Variants in EEF2KMT observed in about 807,000 individuals in gnomAD.
EEF2KMT encodes the protein protein-lysine N-methyltransferase EEF2KMT.
EEF2KMT carries 30 observed loss-of-function variants against 35.1 expected under a neutral mutation model. The ratio of observed to expected loss-of-function variants is 0.85; its 90% CI spans 0.64 to 1.16. The LOEUF is 1.16. Among genes scored for constraint, EEF2KMT ranks in the 50% most tolerant of loss-of-function variants. The pLI is 0.00. For missense variants in EEF2KMT, 499 were observed against 438.2 expected, an observed-to-expected ratio of 1.14 and a Z score of -1.24; for synonymous variants, 190 against 187.7, an observed-to-expected ratio of 1.01 and a Z score of -0.10.
At position 5,097,468 on chromosome 16, in the gene EEF2KMT, G is replaced by A. The variant is rs554933056; in HGVS notation, c.96+176C>T. 4,701 of 1,414,074 alleles carry A rather than the reference G, an allele frequency of 3.3e-3. 15 individuals are homozygous for A. The highest frequency in any genetic ancestry group is 4.1e-3 in the Non-Finnish European group (4,363 of 1,071,908). 87.6% of individuals were successfully genotyped at this position (1,414,074 alleles called of 1,614,324 possible). Reference sequence around the variant, plus strand: ...CCCGCCAGCTCGCGGGGCAGGAGGGGTGCGAGCGACTCTGGCCAGGCCCCA... The same window carrying A: ...CCCGCCAGCTCGCGGGGCAGGAGGGATGCGAGCGACTCTGGCCAGGCCCCA... On this transcript the variant is annotated intron_variant, in intron 1 of 7. Coordinates refer to ENST00000427587, the MANE Select transcript of EEF2KMT (RefSeq NM_201400.4).
rs1215642967 is a variant in EEF2KMT at position 5,091,874 on chromosome 16, GCT to G, written c.260_261del (p.Glu87AlafsTer7). 6.2e-7 allele frequency: 1 copy of G among 1,611,790 alleles called. No individual in the cohort carries two copies. The highest frequency in any genetic ancestry group is 8.5e-7 in the Non-Finnish European group (1 of 1,179,794). ...LIKKHEAVHT[E>X]PLDELYEALA... The stretch of plus-strand genomic sequence containing the variant: ...AGCGCTTCATACAGCTCGTCCAAAG[GCT>G]CTGTGTGGACAGCCTCGTGCTGGGG... On this transcript the variant is annotated frameshift_variant, in exon 4 of 8. Coordinates refer to ENST00000427587, the MANE Select transcript of EEF2KMT (RefSeq NM_201400.4). LOFTEE classifies it high-confidence loss of function.
At chr16:5,097,036 G>C (rs947784936) in intron 1 of EEF2KMT, among the ~76,000 whole-genome samples, 2 of 152,210 alleles carry the variant, frequency 1.3e-5, no homozygotes, top group African/African-American at 4.8e-5. Flanking sequence ...AATTACAAAT[G>C]AGGCCGGGTG....
intron 7 of EEF2KMT, among the ~76,000 whole-genome samples, chr16:5,087,935 TTA>T (rs201449202): frequency 0.36 from 9,516 of 26,484 alleles, 491 homozygotes; most frequent in East Asian, 0.51. Context: ...TTTTTTTTTT[TTA>T]TTTTTTATTT....
chr16:5,086,603 G>C (rs1957182903), intron 7 of EEF2KMT: 2 of 151,918 alleles, frequency 1.3e-5, no homozygotes, highest in Admixed American at 6.6e-5. Flanking sequence ...CACCATGCCA[G>C]TAATTTTTTT....
At chr16:5,093,905 A>G (rs1457357760) in intron 2 of EEF2KMT, among the ~76,000 whole-genome samples, 1 of 152,220 alleles carries the variant, frequency 6.6e-6, no homozygotes, top group Non-Finnish European at 1.5e-5. Context: ...GGCTCTATGG[A>G]AGAGGCGGGA....
Position 5,085,049 on chromosome 16 carries a change from T to C in EEF2KMT, c.*583A>G, listed in dbSNP as rs1047639. The C allele has an allele frequency of 7.8e-7, 1 of 1,275,800 alleles. No homozygotes were observed. The highest frequency in any genetic ancestry group is 2.1e-5 in the Admixed American group (1 of 47,232). 79.0% of individuals were successfully genotyped at this position (1,275,800 alleles called of 1,614,324 possible). ...AATTGGTTCTGTGACCCGGGAAGCTTTGGTTGGCCTTGATTTCTTCTCTGG... is the reference window on the plus strand; with the variant it reads ...AATTGGTTCTGTGACCCGGGAAGCTCTGGTTGGCCTTGATTTCTTCTCTGG... On this transcript the variant is annotated 3_prime_UTR_variant, in exon 8 of 8. Transcript: ENST00000427587.
rs781222680 is a variant in EEF2KMT at position 5,091,870 on chromosome 16, A to G, written c.266T>C (p.Leu89Ser). 6.8e-6 allele frequency: 11 copies of G among 1,611,946 alleles called. No homozygotes were observed. The highest frequency in any genetic ancestry group is 2.3e-4 in the Middle Eastern group (1 of 4,428). The change falls in exon 4 of 8, where the codon TTG becomes TCG. Residue 89 changes from leucine to serine, a missense_variant. Coordinates refer to ENST00000427587, the MANE Select transcript of EEF2KMT (RefSeq NM_201400.4). Reference sequence around the variant, plus strand: ...CGCCAGCGCTTCATACAGCTCGTCCAAAGGCTCTGTGTGGACAGCCTCGTG... The same window carrying G: ...CGCCAGCGCTTCATACAGCTCGTCCGAAGGCTCTGTGTGGACAGCCTCGTG... ...KKHEAVHTEP[L>S]DELYEALAET...
At position 5,090,538 on chromosome 16, in the gene EEF2KMT, C is replaced by A; in HGVS notation, c.370G>T (p.Glu124Ter). 1 of 1,611,756 alleles carries A rather than the reference C, an allele frequency of 6.2e-7. No homozygotes were observed. Among genetic ancestry groups the A allele is most frequent in the South Asian group, 1.1e-5 (1 of 90,988 alleles). ...LPSGGSVTLS[E>*]STAIISYGTT... The stretch of plus-strand genomic sequence containing the variant: ...CCGTAGGAGATGATGGCCGTGCTCT[C>A]GGAGAGTGTGACCGAGCCTCCCGAG... The change falls in exon 5 of 8, where the codon GAG (glutamate) becomes TAG (stop). Residue 124 changes from glutamate (E) to a stop codon, truncating the protein, a stop_gained. Coordinates refer to ENST00000427587, the MANE Select transcript of EEF2KMT (RefSeq NM_201400.4). LOFTEE classifies it high-confidence loss of function. The surrounding 1 kb of genome is among the most constrained non-coding windows in gnomAD (Gnocchi z 4.1).
intron 4 of EEF2KMT, 115 bp downstream of exon 4, chr16:5,091,679 T>G: frequency 6.6e-7 from 1 of 1,509,388 alleles, no homozygotes; most frequent in African/African-American, 1.4e-5. Flanking sequence ...ACGGACCTCA[T>G]GTCTAAGACT....
chr16:5,085,570 T>C lies in EEF2KMT; in HGVS notation c.*62A>G, dbSNP rs1957126522. 6.7e-6 allele frequency: 8 copies of C among 1,196,820 alleles called. 1 individual carries two copies. The highest frequency in any genetic ancestry group is 4.8e-5 in the South Asian group (4 of 82,648). 74.1% of individuals were successfully genotyped at this position (1,196,820 alleles called of 1,614,324 possible). A position where few individuals can be genotyped will look rare whatever the true frequency, so the allele number is the denominator to read the frequency against. ...TGAAAGTTTTATCCGCTTTCCCATATAAAAATTCTTCCCATGAGAGTGACT... is the reference window on the plus strand; with the variant it reads ...TGAAAGTTTTATCCGCTTTCCCATACAAAAATTCTTCCCATGAGAGTGACT... On this transcript the variant is annotated 3_prime_UTR_variant, in exon 8 of 8. Transcript: ENST00000427587.
intron 1 of EEF2KMT, 194 bp downstream of exon 1, chr16:5,097,450 G>A: frequency 7.1e-7 from 1 of 1,416,376 alleles, no homozygotes; most frequent in Admixed American, 2.5e-5. Context: ...TCCCCCGCCA[G>A]CTCGCGGGGC....
intron 3 of EEF2KMT, among the ~76,000 whole-genome samples, chr16:5,093,185 A>G (rs914745868): frequency 1.3e-5 from 2 of 152,212 alleles, no homozygotes; most frequent in African/African-American, 4.8e-5. Context: ...TGAGGGTTCC[A>G]GTGCTGTGGG....
chr16:5,089,836 G>A (rs1319301451), intron 6 of EEF2KMT, among the ~76,000 whole-genome samples: 1 of 152,230 alleles, frequency 6.6e-6, no homozygotes, highest in East Asian at 1.9e-4. Flanking sequence ...GCATGGCTCT[G>A]GGACAGAGCC....
chr16:5,085,063 T>G lies in EEF2KMT; in HGVS notation c.*569A>C. 8.7e-7 allele frequency: 1 copy of G among 1,148,764 alleles called. No individual in the cohort carries two copies. Among genetic ancestry groups the G allele is most frequent in the Non-Finnish European group, 1.2e-6 (1 of 811,598 alleles). The allele number at this position is 1,148,764 out of a possible 1,614,324, so 71.2% of individuals were successfully genotyped here. A position where few individuals can be genotyped will look rare whatever the true frequency, so the allele number is the denominator to read the frequency against. On this transcript the variant is annotated 3_prime_UTR_variant, in exon 8 of 8. Transcript: ENST00000427587. ...CCCGGGAAGCTTTGGTTGGCCTTGA[T>G]TTCTTCTCTGGAGGCTTGGAAACGC...
rs1957084018 is a variant in EEF2KMT, at chr16:5,084,626, G to C, written c.*1006C>G. 3.4e-6 allele frequency: 5 copies of C among 1,465,682 alleles called. No homozygotes were observed. The African/African-American group carries it at 5.5e-5, about 16-fold the overall frequency. The allele number at this position is 1,465,682 out of a possible 1,614,324, so 90.8% of individuals were successfully genotyped here. A position where few individuals can be genotyped will look rare whatever the true frequency, so the allele number is the denominator to read the frequency against. On this transcript the variant is annotated 3_prime_UTR_variant, in exon 8 of 8. Transcript: ENST00000427587. ...GGGGTGTGAAGGGTCTCGAGTCCAAGTGAGGGAGTTAGGGACTTGGGAGGG... is the reference window on the plus strand; with the variant it reads ...GGGGTGTGAAGGGTCTCGAGTCCAACTGAGGGAGTTAGGGACTTGGGAGGG...
In EEF2KMT at chr16:5,093,551, G is replaced by A. The variant is rs775889559; in HGVS notation, c.173C>T (p.Pro58Leu). 6.8e-6 allele frequency: 11 copies of A among 1,611,914 alleles called. No individual in the cohort carries two copies. The Admixed American group carries it at 1.8e-4, about 27-fold the overall frequency. ...RDILHKTVKH[P>L]VCVKHPPSVK... ...GGACGGCGGGTGCTTCACACACACA[G>A]GATGCTTCACAGTCTACGGCAAAGG... Residue 58 changes from proline to leucine, a missense_variant, in exon 3 of 8, where the codon CCT (proline) becomes CTT (leucine). By Grantham distance (98) the Pro-to-Leu change is moderately conservative. Transcript: ENST00000427587.
At chr16:5,091,983 T>C (rs35707520) in intron 3 of EEF2KMT, 88 bp from the exon 4 acceptor site, 178,786 of 1,581,288 alleles carry the variant, frequency 0.11, 10,519 homozygotes, top group Admixed American at 0.16. Context: ...GGAGGGGAGA[T>C]TTGCGATGGA....
intron 7 of EEF2KMT, among the ~76,000 whole-genome samples, chr16:5,088,593 A>G (rs1425888741): frequency 6.6e-6 from 1 of 151,988 alleles, no homozygotes; most frequent in Admixed American, 6.6e-5. Context: ...GTGACAGCAC[A>G]CCCTCACAGT....
chr16:5,096,237 C>G (rs1300903218), intron 1 of EEF2KMT, among the ~76,000 whole-genome samples: 1 of 152,234 alleles, frequency 6.6e-6, no homozygotes, highest in Non-Finnish European at 1.5e-5. Flanking sequence ...TTGGGGAAGG[C>G]TTCCCTGATT....
Sources: gnomAD v4.1 joint callset for allele counts (sites outside exome capture counted in the v4.1 genomes callset) on GRCh38, gnomAD v4.1.1 for gene constraint, Gnocchi (gnomAD v3.1) non-coding constraint, MANE v1.5 for transcripts, NCBI Gene and HGNC (gene_info 2026-07-23, HGNC 2026-07-21) for gene names.